Variants in ARHGEF3 observed in about 807,000 individuals in gnomAD.
ARHGEF3 encodes Rho guanine nucleotide exchange factor 3, also known as 59.8 kDA protein.
Under a neutral mutation model 63.2 loss-of-function variants are expected in ARHGEF3, and 28 were observed. The ratio of observed to expected loss-of-function variants is 0.44; its 90% CI spans 0.33 to 0.61. ARHGEF3 has a LOEUF of 0.61. Among genes scored for constraint, ARHGEF3 ranks in the 20% least tolerant of loss-of-function variants. The probability of loss-of-function intolerance (pLI) is 0.03; values close to 1 mark genes in which losing one functional copy is unlikely to be tolerated. For missense variants in ARHGEF3, 533 were observed against 659.3 expected (o/e 0.81, Z 2.10); for synonymous variants, 266 against 254.2 (o/e 1.05, Z -0.44).
intron 2 of ARHGEF3, among the ~76,000 whole-genome samples, chr3:56,968,249 T>C (rs1487537729): frequency 2.2e-5 from 1 of 44,934 alleles, no homozygotes; most frequent in African/African-American, 7.1e-5. Context: ...TATATATTAA[T>C]ATATAATATT....
At chr3:57,010,180 C>A (rs558470106) in intron 2 of ARHGEF3, among the ~76,000 whole-genome samples, 3 of 152,134 alleles carry the variant, frequency 2.0e-5, no homozygotes, top group Admixed American at 2.0e-4. Flanking sequence ...GTGGGCCGGG[C>A]GTGGTGGCTC....
chr3:57,051,162 T>A (rs1379611413), intron 1 of ARHGEF3, among the ~76,000 whole-genome samples: 1 of 152,216 alleles, frequency 6.6e-6, no homozygotes, highest in Middle Eastern at 3.2e-3. Flanking sequence ...TTCTGGTACA[T>A]ACTATGAGTA....
chr3:57,000,601 C>T (rs62251155), intron 2 of ARHGEF3, among the ~76,000 whole-genome samples: 22,017 of 151,778 alleles, frequency 0.15, 2,066 homozygotes, highest in Non-Finnish European at 0.21. Flanking sequence ...TGGCACAATT[C>T]GGCTCACTGC....
intron 3 of ARHGEF3, among the ~76,000 whole-genome samples, chr3:56,943,188 A>G (rs1461845422): frequency 1.3e-5 from 2 of 152,236 alleles, no homozygotes; most frequent in Non-Finnish European, 2.9e-5. Flanking sequence ...TTTCCTAGCT[A>G]GAGAGAAGTC....
intron 3 of ARHGEF3, among the ~76,000 whole-genome samples, chr3:56,904,508 C>T (rs563083434): frequency 2.0e-5 from 3 of 152,246 alleles, no homozygotes; most frequent in South Asian, 2.1e-4. Flanking sequence ...TAAAAATAAA[C>T]ATATTACTTG....
At chr3:57,020,909 A>G (rs183926861) in intron 2 of ARHGEF3, among the ~76,000 whole-genome samples, 109 of 152,386 alleles carry the variant, frequency 7.2e-4, no homozygotes, top group Non-Finnish European at 1.4e-3. Context: ...TATAAGGGAT[A>G]CTGGTGGCTG....
intron 4 of ARHGEF3, among the ~76,000 whole-genome samples, chr3:56,856,303 GA>G (rs1179680362): frequency 6.6e-6 from 1 of 152,166 alleles, no homozygotes; most frequent in African/African-American, 2.4e-5. Context: ...TGTCTATAAG[GA>G]CAGTGAGTCA....
At chr3:56,963,705 A>G (rs1200124212) in intron 2 of ARHGEF3, among the ~76,000 whole-genome samples, 1 of 152,214 alleles carries the variant, frequency 6.6e-6, no homozygotes, top group East Asian at 1.9e-4. Flanking sequence ...TTTTTAAGAG[A>G]AATCTGTGCC....
intron 2 of ARHGEF3, among the ~76,000 whole-genome samples, chr3:56,758,819 T>A (rs1251839732): frequency 6.6e-6 from 1 of 152,204 alleles, no homozygotes; most frequent in Admixed American, 6.5e-5. Context: ...AGTGAGTCAT[T>A]AAGTAACTTG....
chr3:57,044,562 A>G (rs981048543), intron 1 of ARHGEF3, among the ~76,000 whole-genome samples: 4 of 152,238 alleles, frequency 2.6e-5, no homozygotes, highest in African/African-American at 9.6e-5. Context: ...CAGGCAGCCT[A>G]CAGGTTTGGT....
intron 3 of ARHGEF3, among the ~76,000 whole-genome samples, chr3:56,939,057 G>T (rs549683139): frequency 2.0e-5 from 3 of 152,242 alleles, no homozygotes; most frequent in African/African-American, 7.2e-5. Context: ...CATTTAAAGG[G>T]GGGTGGTATT....
intron 2 of ARHGEF3, among the ~76,000 whole-genome samples, chr3:57,003,520 C>A (rs1433739268): frequency 1.3e-5 from 2 of 151,576 alleles, no homozygotes; most frequent in Middle Eastern, 6.9e-3. Flanking sequence ...GAGCTTAGCA[C>A]TACAGGGTAT....
intron 3 of ARHGEF3, among the ~76,000 whole-genome samples, chr3:56,923,047 T>A (rs375828303): frequency 5.7e-4 from 11 of 19,328 alleles, no homozygotes; most frequent in South Asian, 8.0e-3. Context: ...TATATATATA[T>A]ATATATATAT....
At chr3:56,961,387 A>G (rs567462636) in intron 2 of ARHGEF3, among the ~76,000 whole-genome samples, 60 of 152,296 alleles carry the variant, frequency 3.9e-4, no homozygotes, top group Admixed American at 5.9e-4. Flanking sequence ...TTGGTGGCCA[A>G]TTTGGGATTC....
chr3:56,944,768 G>A (rs1397474737), intron 3 of ARHGEF3, among the ~76,000 whole-genome samples: 5 of 151,852 alleles, frequency 3.3e-5, no homozygotes, highest in African/African-American at 7.2e-5. Flanking sequence ...TAATAGAGAC[G>A]GGGTTTCACC....
chr3:56,798,132 T>C (rs1211086437), intron 1 of ARHGEF3, among the ~76,000 whole-genome samples: 1 of 152,208 alleles, frequency 6.6e-6, no homozygotes, highest in African/African-American at 2.4e-5. Context: ...CTGTCATTTC[T>C]AGGTGCATGT....
intron 2 of ARHGEF3, chr3:56,977,331 T>G: frequency 2.2e-6 from 1 of 456,506 alleles, no homozygotes; most frequent in Non-Finnish European, 4.4e-6. Flanking sequence ...CAAGCCCCAT[T>G]CTCTTGGGCC....
chr3:56,759,174 A>AT (rs35855808), intron 2 of ARHGEF3, among the ~76,000 whole-genome samples: 26,084 of 128,196 alleles, frequency 0.2, 3,728 homozygotes, highest in Non-Finnish European at 0.28. Context: ...AGAAAACTGA[A>AT]TTTTTTTTTT....
intron 7 of ARHGEF3, among the ~76,000 whole-genome samples, chr3:56,740,777 G>A (rs1432179817): frequency 6.6e-6 from 1 of 152,124 alleles, no homozygotes; most frequent in Admixed American, 6.5e-5. Flanking sequence ...TCAGTTAACT[G>A]TTACCAGGTG....
Sources: allele counts gnomAD v4.1 joint callset (sites outside exome capture counted in the v4.1 genomes callset), GRCh38; gene constraint gnomAD v4.1.1; transcripts MANE v1.5; gene names NCBI Gene and HGNC (gene_info 2026-07-23, HGNC 2026-07-21).